CWF19L2: variants seen among roughly 807,000 people sequenced by gnomAD.
CWF19L2 encodes CWF19-like protein 2.
CWF19L2 carries 98 observed loss-of-function variants against 111.7 expected under a neutral mutation model. That is an observed-to-expected ratio of 0.88 (90% CI 0.75 to 1.04). The LOEUF (loss-of-function observed/expected upper bound fraction) is 1.04. CWF19L2 is among the 50% of genes least tolerant of loss of function. CWF19L2 has a pLI of 0.00. For synonymous variants in CWF19L2, 351 were observed against 342.9 expected (o/e 1.02, Z -0.26); for missense variants, 1,101 against 1,051.4 (o/e 1.05, Z -0.65).
rs570188228 is a variant in CWF19L2, at chr11:107,417,907, G to A, written c.1527+287C>T. On this transcript the variant is annotated intron_variant, in intron 9 of 17. Transcript: ENST00000282251. The stretch of plus-strand genomic sequence containing the variant: ...CCCCGATAGCTGGAATTACAGGCAT[G>A]CGCCACCACACCCAGCTAATTTTTG... Among the ~76,000 whole-genome samples the A allele has an allele frequency of 8.4e-4, 128 of 152,162 alleles. 1 individual carries two copies. Among genetic ancestry groups the A allele is most frequent in the Middle Eastern group, 3.4e-3 (1 of 294 alleles).
chr11:107,436,014 T>G (rs1158872305), intron 6 of CWF19L2, among the ~76,000 whole-genome samples: 2 of 151,466 alleles, frequency 1.3e-5, no homozygotes, highest in Non-Finnish European at 2.9e-5. Context: ...ATTAGCTGGG[T>G]GTGGTGGCAT....
At chr11:107,350,412 T>C (rs1374189053) in intron 13 of CWF19L2, among the ~76,000 whole-genome samples, 8 of 152,154 alleles carry the variant, frequency 5.3e-5, no homozygotes, top group Admixed American at 2.6e-4. Context: ...GATTAGATCA[T>C]GAGGACAGAG....
rs189385059 is a variant in CWF19L2 at position 107,399,327 on chromosome 11, C to T, written c.1618-6432G>A. Reference sequence around the variant, plus strand: ...CCAACTATGTGCCACCTTCAGGAAACTCACCTAACACATAAGGACTTACAT... The same window carrying T: ...CCAACTATGTGCCACCTTCAGGAAATTCACCTAACACATAAGGACTTACAT... On this transcript the variant is annotated intron_variant, in intron 10 of 17. Coordinates refer to ENST00000282251, the MANE Select transcript of CWF19L2 (RefSeq NM_152434.3). Among the ~76,000 whole-genome samples, 21 of 152,238 alleles carry T rather than the reference C, an allele frequency of 1.4e-4. No homozygotes were observed. The East Asian group carries it at 3.9e-3, about 28-fold the overall frequency.
chr11:107,417,211 ATCTAT>A (rs1330477846), intron 9 of CWF19L2, among the ~76,000 whole-genome samples: 9 of 152,300 alleles, frequency 5.9e-5, no homozygotes, highest in Middle Eastern at 3.4e-3. Context: ...CCATGACTGA[ATCTAT>A]TCTATCAAGA....
At chr11:107,350,458 G>A (rs936443607) in intron 13 of CWF19L2, among the ~76,000 whole-genome samples, 1 of 152,110 alleles carries the variant, frequency 6.6e-6, no homozygotes, top group Non-Finnish European at 1.5e-5. Flanking sequence ...TATAAAAGAA[G>A]CCCCAGGGAA....
At chr11:107,427,419 G>A (rs955427802) in intron 8 of CWF19L2, among the ~76,000 whole-genome samples, 10 of 151,930 alleles carry the variant, frequency 6.6e-5, no homozygotes, top group Non-Finnish European at 7.4e-5. Flanking sequence ...TCTTCAAACC[G>A]AAAAATTATA....
intron 8 of CWF19L2, among the ~76,000 whole-genome samples, chr11:107,418,855 A>C (rs1435635544): frequency 1.3e-5 from 2 of 152,346 alleles, no homozygotes; most frequent in East Asian, 3.9e-4. Context: ...AGAAACCTCC[A>C]GCCAAGGTCA....
chr11:107,434,532 C>A (rs946130718), intron 6 of CWF19L2, among the ~76,000 whole-genome samples: 5 of 151,964 alleles, frequency 3.3e-5, no homozygotes, highest in South Asian at 2.1e-4. Flanking sequence ...CACATTAACC[C>A]CAAGACATAT....
Position 107,353,576 on chromosome 11 carries a change from C to T in CWF19L2, c.2033G>A (p.Cys678Tyr). The change falls in exon 13 of 18, where the codon TGT (cysteine) becomes TAT (tyrosine). Residue 678 changes from cysteine (C) to tyrosine (Y), a missense_variant. Coordinates refer to ENST00000282251, the MANE Select transcript of CWF19L2 (RefSeq NM_152434.3). ...LAAQMEKCLY[C>Y]FDSSQFPKHL... ...CTTGGGAAATTGAGAGCTGTCAAAA[C>T]AATACAGACATTTTTCCATTTGTGC... The T allele has an allele frequency of 1.2e-6, 2 of 1,613,746 alleles. No homozygotes were observed. The highest frequency in any genetic ancestry group is 1.1e-5 in the South Asian group (1 of 91,076).
intron 11 of CWF19L2, among the ~76,000 whole-genome samples, chr11:107,391,195 G>C (rs1860841507): frequency 6.6e-6 from 1 of 152,092 alleles, no homozygotes; most frequent in Non-Finnish European, 1.5e-5. Flanking sequence ...CCTTGTCATT[G>C]TGTGAGCCAA....
chr11:107,414,724 T>C (rs4471384), intron 10 of CWF19L2, among the ~76,000 whole-genome samples: 5,402 of 152,210 alleles, frequency 0.035, 304 homozygotes, highest in African/African-American at 0.12. Context: ...GCTAAAAACC[T>C]TGGAGTCCTC....
Position 107,432,953 on chromosome 11 carries a change from T to C in CWF19L2, c.780+681A>G, listed in dbSNP as rs1487864236. Among the ~76,000 whole-genome samples, 11 of 152,238 alleles carry C rather than the reference T, an allele frequency of 7.2e-5. No homozygotes were observed. The East Asian group carries it at 2.1e-3, about 29-fold the overall frequency. On this transcript the variant is annotated intron_variant, in intron 7 of 17. Transcript: ENST00000282251. Reference sequence around the variant, plus strand: ...TAAATAAAGGAAAAGCCTATAAATATATTAAAAAAATTAACAGGTCATTAA... The same window carrying C: ...TAAATAAAGGAAAAGCCTATAAATACATTAAAAAAATTAACAGGTCATTAA...
At chr11:107,402,873 G>GTATATATATATATA (rs145828149) in intron 10 of CWF19L2, among the ~76,000 whole-genome samples, 89 of 94,440 alleles carry the variant, frequency 9.4e-4, no homozygotes, top group South Asian at 3.6e-3. Context: ...ACTGTGGTGT[G>GTATATATATATATA]TATATATATA....
chr11:107,441,644 A>C (rs780119216), intron 4 of CWF19L2, 22 bp from the exon 5 acceptor site: 82 of 1,506,734 alleles, frequency 5.4e-5, no homozygotes, highest in Non-Finnish European at 7.2e-5. Flanking sequence ...AAAGACATAA[A>C]ATCAACAGTC....
chr11:107,433,205 G>A (rs1591201852), intron 7 of CWF19L2, among the ~76,000 whole-genome samples: 1 of 152,006 alleles, frequency 6.6e-6, no homozygotes, highest in African/African-American at 2.4e-5. Flanking sequence ...GGGGAAACTG[G>A]TTCTAAAATA....
At chr11:107,418,149 A>G (rs1284602463) in intron 9 of CWF19L2, 45 bp downstream of exon 9, 3 of 1,189,650 alleles carry the variant, frequency 2.5e-6, no homozygotes, top group Non-Finnish European at 3.8e-6. Context: ...ATAAGAAGTT[A>G]AACATTTAAT....
In CWF19L2 at chr11:107,348,988, C is replaced by T; in HGVS notation, c.2151G>A (p.Gln717=). ...CCAACAAAGTAGCTGCTCTATGGTG[C>T]TGCAAAGGGACTATCAGGCAGTGCC... The part of the protein sequence containing the change: ...TEGHCLIVPL[Q]HHRAATLLDE... The change falls in exon 14 of 18, where the codon CAG becomes CAA. Residue 717 remains glutamine (Q), a synonymous_variant. Coordinates refer to ENST00000282251, the MANE Select transcript of CWF19L2 (RefSeq NM_152434.3). The T allele has an allele frequency of 6.2e-7, 1 of 1,611,262 alleles. No individual in the cohort carries two copies. The highest frequency in any genetic ancestry group is 8.5e-7 in the Non-Finnish European group (1 of 1,178,176).
At position 107,349,076 on chromosome 11, in the gene CWF19L2, G is replaced by A. The variant is rs1006478109; in HGVS notation, c.2086-23C>T. 7 of 1,261,862 alleles carry A rather than the reference G, an allele frequency of 5.5e-6. No individual in the cohort carries two copies. In the African/African-American group the frequency reaches 9.0e-5, roughly 16 times the overall value. The allele number at this position is 1,261,862 out of a possible 1,614,324, so 78.2% of individuals were successfully genotyped here. A position where few individuals can be genotyped will look rare whatever the true frequency, so the allele number is the denominator to read the frequency against. On this transcript the variant is annotated intron_variant, in intron 13 of 17. Coordinates refer to ENST00000282251, the MANE Select transcript of CWF19L2 (RefSeq NM_152434.3). ...AACCTATAAGAGAGAAATACAAAAGGTGAAATGTTATTGTTATTTATATGT... is the reference window on the plus strand; with the variant it reads ...AACCTATAAGAGAGAAATACAAAAGATGAAATGTTATTGTTATTTATATGT...
At chr11:107,402,571 C>T (rs535165427) in intron 10 of CWF19L2, among the ~76,000 whole-genome samples, 3 of 151,892 alleles carry the variant, frequency 2.0e-5, no homozygotes, top group South Asian at 4.2e-4. Context: ...ATCAAAAAAT[C>T]GAAAAACAGT....
Sources: allele counts gnomAD v4.1 joint callset (sites outside exome capture counted in the v4.1 genomes callset), GRCh38; gene constraint gnomAD v4.1.1; transcripts MANE v1.5; gene names NCBI Gene and HGNC (gene_info 2026-07-23, HGNC 2026-07-21).